Variants in SLCO1B3 observed in about 807,000 individuals in gnomAD.
SLCO1B3 encodes the protein solute carrier organic anion transporter family member 1B3, also known as liver-specific organic anion transporter 2.
SLCO1B3 carries 72 observed loss-of-function variants against 71.8 expected under a neutral mutation model. The ratio of observed to expected loss-of-function variants is 1.00; its 90% CI spans 0.83 to 1.22. The LOEUF (loss-of-function observed/expected upper bound fraction) is 1.22, where lower values mean the gene tolerates loss of function less well. Among genes scored for constraint, SLCO1B3 ranks in the 50% most tolerant of loss-of-function variants. SLCO1B3 has a pLI of 0.00. For missense variants in SLCO1B3, 911 were observed against 819.7 expected (o/e 1.11, Z -1.36); for synonymous variants, 298 against 278.4 (o/e 1.07, Z -0.70).
At chr12:20,885,715 A>G (rs1865781645) in intron 13 of SLCO1B3, among the ~76,000 whole-genome samples, 1 of 151,936 alleles carries the variant, frequency 6.6e-6, no homozygotes, top group Admixed American at 6.6e-5. Flanking sequence ...AGCATACTTG[A>G]TACATACAAG....
intron 13 of SLCO1B3, among the ~76,000 whole-genome samples, chr12:20,885,395 T>C (rs1035336349): frequency 1.3e-5 from 2 of 152,012 alleles, no homozygotes; most frequent in Non-Finnish European, 2.9e-5. Context: ...TGAACGAAAA[T>C]GATAAAACTT....
intron 13 of SLCO1B3, among the ~76,000 whole-genome samples, chr12:20,896,768 ATTAG>A: frequency 6.6e-6 from 1 of 152,058 alleles, no homozygotes; most frequent in East Asian, 1.9e-4. Flanking sequence ...AATTTACTGT[ATTAG>A]TTTGTTTTTA....
intron 3 of SLCO1B3, among the ~76,000 whole-genome samples, chr12:20,846,475 A>G (rs936832222): frequency 6.6e-6 from 1 of 152,216 alleles, no homozygotes; most frequent in African/African-American, 2.4e-5. Context: ...AACAAAAACC[A>G]TCAACATATA....
intron 11 of SLCO1B3, 121 bp from the exon 12 acceptor site, chr12:20,880,734 C>G: frequency 1.7e-6 from 1 of 592,206 alleles, no homozygotes; most frequent in Admixed American, 3.8e-5. Flanking sequence ...TTTCTCTTCT[C>G]TTTTCCTCTT....
At chr12:20,836,094 T>C (rs1358020488) in intron 3 of SLCO1B3, among the ~76,000 whole-genome samples, 1 of 152,138 alleles carries the variant, frequency 6.6e-6, no homozygotes, top group African/African-American at 2.4e-5. Flanking sequence ...AATCAGATCT[T>C]GTGAGACTTA....
chr12:20,877,923 T>G lies in SLCO1B3; in HGVS notation c.1122T>G (p.Ala374=). 6.3e-7 allele frequency: 1 copy of G among 1,589,894 alleles called. No homozygotes were observed. ...EQQYGQSASH[A]NFLLGIITIP... The stretch of plus-strand genomic sequence containing the variant: ...AGTACGGTCAGTCTGCATCTCATGC[T>G]AACTTTTTGTTGGGTAAGACATATT... The change falls in exon 10 of 16, where the codon GCT becomes GCG. Residue 374 remains alanine, a synonymous_variant. Coordinates refer to ENST00000381545, the MANE Select transcript of SLCO1B3 (RefSeq NM_019844.4).
In SLCO1B3 at chr12:20,837,582, T is replaced by TA. The variant is rs1864710443; in HGVS notation, c.85-17441dup. Among the ~76,000 whole-genome samples the TA allele has an allele frequency of 2.0e-5, 3 of 152,268 alleles. No homozygotes were observed. The East Asian group carries it at 5.8e-4, about 29-fold the overall frequency. On this transcript the variant is annotated intron_variant, in intron 3 of 15. Coordinates refer to ENST00000381545, the MANE Select transcript of SLCO1B3 (RefSeq NM_019844.4). ...GATTTCCTTTGACCTAAATGTTACT[T>TA]AAAAATGTGTTACTTAGTCTCTACA...
chr12:20,858,767 G>A, intron 5 of SLCO1B3, 196 bp downstream of exon 5: 2 of 366,392 alleles, frequency 5.5e-6, no homozygotes, highest in East Asian at 4.4e-5. Flanking sequence ...TATTTATCAT[G>A]GCTTTTATAA....
At chr12:20,875,967 C>T (rs886101159) in intron 9 of SLCO1B3, among the ~76,000 whole-genome samples, 2 of 151,694 alleles carry the variant, frequency 1.3e-5, no homozygotes, top group African/African-American at 2.4e-5. Context: ...TAACTATTCT[C>T]AGGTGTAGAG....
intron 11 of SLCO1B3, 44 bp from the exon 12 acceptor site, chr12:20,880,811 T>G (rs769670554): frequency 1.1e-5 from 16 of 1,399,086 alleles, no homozygotes; most frequent in Non-Finnish European, 1.5e-5. Context: ...TTTCTCTACT[T>G]CCTCTTTCTC....
intron 9 of SLCO1B3, among the ~76,000 whole-genome samples, chr12:20,877,179 C>A (rs565988110): frequency 5.9e-5 from 9 of 151,442 alleles, no homozygotes; most frequent in African/African-American, 2.2e-4. Context: ...ACTGTGAGCC[C>A]AAAAAGAATA....
At chr12:20,828,963 G>GTAATCAATA (rs71040001) in intron 3 of SLCO1B3, among the ~76,000 whole-genome samples, 57,444 of 151,502 alleles carry the variant, frequency 0.38, 11,181 homozygotes, top group Non-Finnish European at 0.43. Context: ...AGCCCCTCAG[G>GTAATCAATA]TAATTTTTTC....
chr12:20,892,143 C>T (rs1480692725), intron 13 of SLCO1B3, among the ~76,000 whole-genome samples: 1 of 151,992 alleles, frequency 6.6e-6, no homozygotes, highest in Non-Finnish European at 1.5e-5. Context: ...TTTATACTTC[C>T]AGAATTCTTT....
intron 13 of SLCO1B3, among the ~76,000 whole-genome samples, chr12:20,888,331 G>A (rs958126200): frequency 2.0e-5 from 3 of 151,810 alleles, no homozygotes; most frequent in East Asian, 1.9e-4. Flanking sequence ...ATTCATGAGC[G>A]TAGGATGTTT....
At chr12:20,838,879 T>C (rs1864738381) in intron 3 of SLCO1B3, among the ~76,000 whole-genome samples, 1 of 152,052 alleles carries the variant, frequency 6.6e-6, no homozygotes, top group Non-Finnish European at 1.5e-5. Flanking sequence ...ATTCCACTCT[T>C]TTTGTGCTTT....
intron 3 of SLCO1B3, among the ~76,000 whole-genome samples, chr12:20,853,640 G>C (rs551791764): frequency 9.0e-4 from 136 of 151,792 alleles, no homozygotes; most frequent in South Asian, 1.9e-3. Context: ...TTAGCTAAAG[G>C]TCTCTCAGTT....
At chr12:20,890,510 A>G (rs142943193) in intron 13 of SLCO1B3, among the ~76,000 whole-genome samples, 1 of 152,290 alleles carries the variant, frequency 6.6e-6, no homozygotes, top group Non-Finnish European at 1.5e-5. Flanking sequence ...GTTCTGTAAA[A>G]TGTTCTGTAA....
intron 12 of SLCO1B3, among the ~76,000 whole-genome samples, chr12:20,881,302 T>C (rs1565600766): frequency 6.6e-6 from 1 of 152,204 alleles, no homozygotes; most frequent in South Asian, 2.1e-4. Flanking sequence ...AGAATTTGAA[T>C]GCATTTAGGG....
intron 3 of SLCO1B3, among the ~76,000 whole-genome samples, chr12:20,842,859 A>C (rs1864831881): frequency 6.6e-6 from 1 of 152,186 alleles, no homozygotes; most frequent in Non-Finnish European, 1.5e-5. Context: ...GACTTCGAGA[A>C]GTGATTAGGT....
Sources: allele counts gnomAD v4.1 joint callset (sites outside exome capture counted in the v4.1 genomes callset), GRCh38; gene constraint gnomAD v4.1.1; transcripts MANE v1.5; gene names NCBI Gene and HGNC (gene_info 2026-07-23, HGNC 2026-07-21).